Variants in GNAT2 observed in about 807,000 individuals in gnomAD.
The protein encoded by GNAT2 is G protein subunit alpha transducin 2.
GNAT2 carries 32 observed loss-of-function variants against 40.9 expected under a neutral mutation model. That is an observed-to-expected ratio of 0.78 (90% CI 0.59 to 1.05). GNAT2 has a LOEUF of 1.05. GNAT2 is among the 50% of genes least tolerant of loss of function. GNAT2 has a pLI of 0.00. For synonymous variants in GNAT2, 141 were observed against 157.2 expected (o/e 0.90, Z 0.77); for missense variants, 355 against 431.5 (o/e 0.82, Z 1.57).
Position 109,610,168 on chromosome 1 carries a change from C to T in GNAT2, c.175G>A (p.Asp59Asn), listed in dbSNP as rs1376701903. ...IVKQMKIIHQ[D>N]GYSPEECLEF... is the part of the protein sequence containing the mutation. ...AGGCATTCTTCTGGTGAATAGCCAT[C>T]CTGGTGAATGATCCTGCAAGGGGCA... The change falls in exon 4 of 9, where the codon GAT becomes AAT. Residue 59 changes from aspartate to asparagine, a missense_variant. By Grantham distance (23) the Asp-to-Asn change is conservative (BLOSUM62 1). Coordinates refer to ENST00000679935, the MANE Select transcript of GNAT2 (RefSeq NM_001377295.2). 1 of 1,614,072 alleles carries T rather than the reference C, an allele frequency of 6.2e-7. No individual in the cohort carries two copies. Among genetic ancestry groups the T allele is most frequent in the East Asian group, 2.2e-5 (1 of 44,886 alleles).
chr1:109,619,094 T>C (rs1650046224), intron 1 of GNAT2, among the ~76,000 whole-genome samples: 1 of 152,222 alleles, frequency 6.6e-6, no homozygotes, highest in African/African-American at 2.4e-5. Context: ...GGTCGGATTA[T>C]CTACCCCTTG....
At chr1:109,614,645 G>A (rs1241103441) in intron 1 of GNAT2, 1 of 152,188 alleles carries the variant, frequency 6.6e-6, no homozygotes, top group African/African-American at 2.4e-5. Flanking sequence ...AACTACTGAG[G>A]TCGAAGGATG....
intron 4 of GNAT2, 174 bp downstream of exon 4, chr1:109,609,863 TAAA>T: frequency 1.4e-6 from 1 of 699,496 alleles, no homozygotes. Context: ...CGTAGATGGG[TAAA>T]GGGCCTTGAG....
At chr1:109,613,363 A>G (rs1268194530) in intron 1 of GNAT2, 1 of 216,830 alleles carries the variant, frequency 4.6e-6, no homozygotes, top group African/African-American at 2.3e-5. Context: ...CCTCCAGATT[A>G]TAAGGTCTTG....
rs1219753302 is a variant in GNAT2 at position 109,608,754 on chromosome 1, G to A, written c.338C>T (p.Ser113Phe). ...AGGAGGCATGGTTCCCTCCTCAATG[G>A]AGTCAGCCAGGTTGTTGAGCTGTCG... ...DGRQLNNLAD[S>F]IEEGTMPPEL... Residue 113 changes from serine to phenylalanine, a missense_variant, in exon 5 of 9, where the codon TCC (serine) becomes TTC (phenylalanine). Transcript: ENST00000679935. The A allele has an allele frequency of 6.2e-7, 1 of 1,614,018 alleles. No individual in the cohort carries two copies. The highest frequency in any genetic ancestry group is 2.2e-5 in the East Asian group (1 of 44,870).
intron 5 of GNAT2, chr1:109,608,033 T>C (rs1649664267): frequency 5.9e-6 from 1 of 169,430 alleles, no homozygotes; most frequent in Non-Finnish European, 1.3e-5. Flanking sequence ...TGATAAATTA[T>C]GTCCCTTAGC....
intron 1 of GNAT2, chr1:109,616,227 G>A (rs1649948511): frequency 6.6e-6 from 1 of 152,190 alleles, no homozygotes; most frequent in African/African-American, 2.4e-5. Context: ...TCCTGATGAA[G>A]TAAATAAGGT....
chr1:109,609,502 G>A, intron 4 of GNAT2: 1 of 189,744 alleles, frequency 5.3e-6, no homozygotes, highest in Non-Finnish European at 1.1e-5. Flanking sequence ...GGGTGTGGTG[G>A]TGCACACCTG....
chr1:109,612,629 T>C (rs907509770), intron 2 of GNAT2, 124 bp downstream of exon 2: 9 of 749,432 alleles, frequency 1.2e-5, no homozygotes, highest in Non-Finnish European at 2.2e-5. Context: ...AGCCAGACTG[T>C]GTAGAGGAGA....
At chr1:109,609,874 G>C (rs1334983055) in intron 4 of GNAT2, 166 bp downstream of exon 4, 2 of 734,232 alleles carry the variant, frequency 2.7e-6, no homozygotes, top group Non-Finnish European at 4.9e-6. Flanking sequence ...AAAGGGCCTT[G>C]AGATGGTATA....
chr1:109,608,964 C>T, intron 4 of GNAT2, 176 bp from the exon 5 acceptor site: 1 of 672,886 alleles, frequency 1.5e-6, no homozygotes, highest in Non-Finnish European at 2.7e-6. Context: ...AGTATGCTCC[C>T]CAGATGCAGA....
intron 7 of GNAT2, chr1:109,605,017 A>C (rs952181904): frequency 6.6e-6 from 1 of 152,260 alleles, no homozygotes; most frequent in Non-Finnish European, 1.5e-5. Flanking sequence ...TCTGTAAGAC[A>C]TTTTGATTAG....
intron 1 of GNAT2, chr1:109,615,888 T>C (rs565320483): frequency 2.0e-5 from 3 of 152,424 alleles, no homozygotes; most frequent in East Asian, 3.9e-4. Context: ...CATGGACAAA[T>C]GCATGAACTC....
chr1:109,603,651 C>T, intron 8 of GNAT2, 107 bp from the exon 9 acceptor site: 1 of 787,262 alleles, frequency 1.3e-6, no homozygotes, highest in Non-Finnish European at 2.2e-6. Context: ...TAGACAACAG[C>T]AGTTGGGGGC....
Position 109,610,697 on chromosome 1 carries a change from TCTTAA to T in GNAT2, c.119-195_119-191del. 4.5e-6 allele frequency: 3 copies of T among 661,156 alleles called. No individual in the cohort carries two copies. In the South Asian group the frequency reaches 5.0e-5, roughly 11 times the overall value. 41.0% of individuals were successfully genotyped at this position (661,156 alleles called of 1,614,324 possible). ...CATTCAACCTGGATTTAGAGCAGTT[TCTTAA>T]CTTCAGTACTATTTAGTTTGGGCTG... On this transcript the variant is annotated intron_variant, in intron 2 of 8. Transcript: ENST00000679935.
intron 3 of GNAT2, 102 bp downstream of exon 3, chr1:109,610,363 C>T (rs1649758639): frequency 1.6e-6 from 2 of 1,266,628 alleles, no homozygotes; most frequent in Admixed American, 3.4e-5. Flanking sequence ...TCCTTTATAC[C>T]TGGGCTCCTT....
Position 109,608,623 on chromosome 1 carries a change from A to G in GNAT2, c.461+8T>C. On this transcript the variant is annotated splice_region_variant and intron_variant, in intron 5 of 8. Transcript: ENST00000679935. ...GCATCAACCCACCCTCTCACCAGTC[A>G]GTCTTACTAAGATGCGGAGTCATTA... is the stretch of plus-strand genomic sequence containing the variant. 6.2e-7 allele frequency: 1 copy of G among 1,612,706 alleles called. No homozygotes were observed. The highest frequency in any genetic ancestry group is 1.1e-5 in the South Asian group (1 of 91,032).
At chr1:109,607,258 T>C (rs1649632950) in intron 5 of GNAT2, 1 of 151,892 alleles carries the variant, frequency 6.6e-6, no homozygotes, top group Non-Finnish European at 1.5e-5. Flanking sequence ...GAAACCATCC[T>C]GGCTAACACG....
At chr1:109,603,890 T>C in intron 8 of GNAT2, 61 bp downstream of exon 8, 1 of 1,252,870 alleles carries the variant, frequency 8.0e-7, no homozygotes, top group East Asian at 2.3e-5. Context: ...GCCTAAAAAA[T>C]GAGACAATTG....
Sources: allele counts gnomAD v4.1 joint callset (sites outside exome capture counted in the v4.1 genomes callset), GRCh38; gene constraint gnomAD v4.1.1; transcripts MANE v1.5; gene names NCBI Gene and HGNC (gene_info 2026-07-23, HGNC 2026-07-21).